Variants in LGR5 observed in about 807,000 individuals in gnomAD.
LGR5 encodes leucine-rich repeat-containing G protein-coupled receptor 5.
A neutral mutation model predicts 76.7 loss-of-function variants in LGR5; 54 were observed. That is an observed-to-expected ratio of 0.70 (90% CI 0.57 to 0.88). LGR5 has a LOEUF of 0.88. LGR5 is among the 40% of genes least tolerant of loss of function. The pLI is 0.00. For synonymous variants in LGR5, 406 were observed against 421.9 expected (o/e 0.96, Z 0.46); for missense variants, 1,078 against 1,073.3 (o/e 1.00, Z -0.06).
intron 1 of LGR5, among the ~76,000 whole-genome samples, chr12:71,460,742 T>C (rs4554996): frequency 0.045 from 6,854 of 152,192 alleles, 199 homozygotes; most frequent in Non-Finnish European, 0.067. Flanking sequence ...TCAGGAATCA[T>C]CCAGCCCCAT....
In LGR5 at chr12:71,583,738, T is replaced by C; in HGVS notation, c.1728T>C (p.Ala576=). ...TIAVLALTCN[A]LVTSTVFRSP... ...CAGTTCTGGCACTTACTTGTAATGC[T>C]TTGGTGACTTCAACAGTTTTCAGAT... is the stretch of plus-strand genomic sequence containing the variant. Residue 576 remains alanine (A), a synonymous_variant, in exon 18 of 18, where the codon GCT becomes GCC. Coordinates refer to ENST00000266674, the MANE Select transcript of LGR5 (RefSeq NM_003667.4). The C allele has an allele frequency of 6.2e-7, 1 of 1,614,186 alleles. No individual in the cohort carries two copies.
At chr12:71,545,541 A>C (rs1252069935) in intron 4 of LGR5, among the ~76,000 whole-genome samples, 1 of 152,222 alleles carries the variant, frequency 6.6e-6, no homozygotes, top group Admixed American at 6.5e-5. Context: ...GTTTATTACA[A>C]GAATCCCTAT....
intron 1 of LGR5, among the ~76,000 whole-genome samples, chr12:71,451,792 T>G (rs1872260664): frequency 6.6e-6 from 1 of 152,210 alleles, no homozygotes; most frequent in African/African-American, 2.4e-5. Context: ...CTTGGAGCCT[T>G]GCTGCTCCTA....
intron 5 of LGR5, among the ~76,000 whole-genome samples, chr12:71,555,962 G>A (rs10879295): frequency 0.12 from 17,728 of 152,030 alleles, 1,405 homozygotes; most frequent in East Asian, 0.39. Flanking sequence ...AAGAAAATAT[G>A]GTACATATAC....
chr12:71,478,060 C>G (rs1360091328), intron 1 of LGR5, among the ~76,000 whole-genome samples: 1 of 152,006 alleles, frequency 6.6e-6, no homozygotes, highest in African/African-American at 2.4e-5. Flanking sequence ...TGCATCTTTT[C>G]TTAGTTAATA....
intron 1 of LGR5, among the ~76,000 whole-genome samples, chr12:71,454,561 T>C (rs544390690): frequency 2.0e-5 from 3 of 152,190 alleles, no homozygotes; most frequent in South Asian, 4.2e-4. Flanking sequence ...CCAGAGGAGA[T>C]GAGACTGTGG....
chr12:71,458,440 TA>T (rs1231483792), intron 1 of LGR5, among the ~76,000 whole-genome samples: 1 of 152,182 alleles, frequency 6.6e-6, no homozygotes, highest in Non-Finnish European at 1.5e-5. Context: ...ACCTTACATT[TA>T]AAATTACTTA....
chr12:71,548,616 G>T (rs937748438), intron 4 of LGR5, among the ~76,000 whole-genome samples: 5 of 152,058 alleles, frequency 3.3e-5, no homozygotes, highest in African/African-American at 7.2e-5. Flanking sequence ...AATCATTAAG[G>T]TACTTTAGAT....
At chr12:71,501,431 T>C (rs1218235178) in intron 1 of LGR5, among the ~76,000 whole-genome samples, 3 of 152,210 alleles carry the variant, frequency 2.0e-5, no homozygotes, top group Admixed American at 2.0e-4. Context: ...TCACCTATAA[T>C]GAGCATTCTC....
chr12:71,440,308 C>A lies in LGR5; in HGVS notation c.212+16C>A. Reference sequence around the variant, plus strand: ...CCTCCTACCTGTAAGTACTTCCCCACGTCACTCCGGGAGAGAGACTAAGAG... The same window carrying A: ...CCTCCTACCTGTAAGTACTTCCCCAAGTCACTCCGGGAGAGAGACTAAGAG... On this transcript the variant is annotated intron_variant, in intron 1 of 17. Coordinates refer to ENST00000266674, the MANE Select transcript of LGR5 (RefSeq NM_003667.4). The surrounding 1 kb of genome is among the most constrained non-coding windows in gnomAD (Gnocchi z 5.3). 1 of 1,603,560 alleles carries A rather than the reference C, an allele frequency of 6.2e-7. No homozygotes were observed. The highest frequency in any genetic ancestry group is 1.1e-5 in the South Asian group (1 of 90,986).
intron 4 of LGR5, among the ~76,000 whole-genome samples, chr12:71,541,246 C>G (rs1387344663): frequency 1.3e-5 from 2 of 152,090 alleles, no homozygotes; most frequent in Non-Finnish European, 2.9e-5. Context: ...GGAGCATTGT[C>G]CACAGAATCA....
At position 71,464,428 on chromosome 12, in the gene LGR5, G is replaced by A. The variant is rs1034895791; in HGVS notation, c.212+24136G>A. Among the ~76,000 whole-genome samples, 57 of 152,180 alleles carry A rather than the reference G, an allele frequency of 3.7e-4. 1 individual carries two copies. Among genetic ancestry groups the A allele is most frequent in the African/African-American group, 1.2e-3 (50 of 41,516 alleles). On this transcript the variant is annotated intron_variant, in intron 1 of 17. Transcript: ENST00000266674. Reference sequence around the variant, plus strand: ...AAGTGAAATATACAATCTGGTTAGGGGTATCTGACATATTCAGAAGTACAT... The same window carrying A: ...AAGTGAAATATACAATCTGGTTAGGAGTATCTGACATATTCAGAAGTACAT...
At chr12:71,448,798 A>G (rs1444506643) in intron 1 of LGR5, 2 of 152,240 alleles carry the variant, frequency 1.3e-5, no homozygotes, top group Non-Finnish European at 2.9e-5. Flanking sequence ...GAATCTACAA[A>G]GTGAATTTGG....
intron 14 of LGR5, 116 bp from the exon 15 acceptor site, chr12:71,578,688 C>T: frequency 9.8e-7 from 1 of 1,018,388 alleles, no homozygotes; most frequent in Non-Finnish European, 1.4e-6. Flanking sequence ...AGAGTAAGGA[C>T]CCTGCTTAGA....
chr12:71,548,815 TACACACACACAC>T (rs71068775), intron 4 of LGR5, among the ~76,000 whole-genome samples: 3 of 148,552 alleles, frequency 2.0e-5, no homozygotes, highest in African/African-American at 5.0e-5. Flanking sequence ...CTAAGGTGCC[TACACACACACAC>T]ACACACACAC....
At chr12:71,510,184 C>A (rs1398752570) in intron 2 of LGR5, among the ~76,000 whole-genome samples, 1 of 152,168 alleles carries the variant, frequency 6.6e-6, no homozygotes, top group Non-Finnish European at 1.5e-5. Flanking sequence ...GGCCCCTTGG[C>A]CTTCTCACAG....
At chr12:71,479,977 C>T (rs1873515705) in intron 1 of LGR5, among the ~76,000 whole-genome samples, 1 of 152,158 alleles carries the variant, frequency 6.6e-6, no homozygotes, top group South Asian at 2.1e-4. Context: ...AGGGAATTAT[C>T]TATTTCTGTT....
intron 9 of LGR5, 55 bp from the exon 10 acceptor site, chr12:71,566,577 A>C (rs1878354521): frequency 6.5e-6 from 10 of 1,550,040 alleles, no homozygotes; most frequent in Non-Finnish European, 8.0e-6. Context: ...TGGCAATAAA[A>C]ATTACCCCTG....
intron 13 of LGR5, among the ~76,000 whole-genome samples, chr12:71,575,905 G>A (rs1878834608): frequency 6.6e-6 from 1 of 152,178 alleles, no homozygotes; most frequent in Non-Finnish European, 1.5e-5. Flanking sequence ...ATACTACGCA[G>A]CCATAAGAAG....
Sources: allele counts gnomAD v4.1 joint callset (sites outside exome capture counted in the v4.1 genomes callset), GRCh38; gene constraint gnomAD v4.1.1; non-coding constraint Gnocchi (gnomAD v3.1); transcripts MANE v1.5; gene names NCBI Gene and HGNC (gene_info 2026-07-23, HGNC 2026-07-21).